The following MYO1F variants were observed in gnomAD, a reference collection of about 807,000 sequenced individuals.
The protein encoded by MYO1F is unconventional myosin-If.
MYO1F carries 60 observed loss-of-function variants against 146.6 expected under a neutral mutation model. The observed-to-expected ratio is 0.41, with a 90% CI of 0.33 to 0.51. The LOEUF (loss-of-function observed/expected upper bound fraction) is 0.51. Ranked by LOEUF, MYO1F falls within the 20% of genes least tolerant of loss-of-function variation. MYO1F has a pLI of 0.25. For synonymous variants in MYO1F, 602 were observed against 602.1 expected, an observed-to-expected ratio of 1.00 and a Z score of 0.00; for missense variants, 1,274 against 1,534.3, an observed-to-expected ratio of 0.83 and a Z score of 2.83.
In MYO1F at chr19:8,521,056, C is replaced by T. The variant is rs1972047724; in HGVS notation, c.*472G>A. 1 of 273,190 alleles carries T rather than the reference C, an allele frequency of 3.7e-6. No individual in the cohort carries two copies. The highest frequency in any genetic ancestry group is 2.2e-5 in the African/African-American group (1 of 45,468). 16.9% of individuals were successfully genotyped at this position (273,190 alleles called of 1,614,324 possible). On this transcript the variant is annotated 3_prime_UTR_variant, in exon 28 of 28. Transcript: ENST00000644032. ...AGATGGGGTCCTTCACAGCTCCTAC[C>T]TCACAGGGCTGTGAAAACATCGTCC...
intron 14 of MYO1F, chr19:8,544,030 C>CGGTGGCGGTGGCGGTGCT: frequency 3.4e-6 from 1 of 290,032 alleles, no homozygotes; most frequent in Non-Finnish European, 5.9e-6. Flanking sequence ...GTGGCGGTGG[C>CGGTGGCGGTGGCGGTGCT]GGTGGCGGTG....
intron 1 of MYO1F, among the ~76,000 whole-genome samples, chr19:8,566,093 G>A (rs928583091): frequency 1.4e-5 from 2 of 147,090 alleles, no homozygotes; most frequent in South Asian, 2.2e-4. Flanking sequence ...GATGACAGAC[G>A]AAGACCCAGA....
At chr19:8,567,102 C>T (rs1247117398) in intron 1 of MYO1F, among the ~76,000 whole-genome samples, 3 of 148,736 alleles carry the variant, frequency 2.0e-5, no homozygotes, top group East Asian at 3.9e-4. Context: ...TGCTCTGTCG[C>T]CCAGGCTGGA....
chr19:8,553,896 T>A (rs2967769), intron 4 of MYO1F, among the ~76,000 whole-genome samples: 2,032 of 89,690 alleles, frequency 0.023, 17 homozygotes, highest in African/African-American at 0.064. Flanking sequence ...ACACACACAC[T>A]CTCTCTCTCT....
chr19:8,575,750 G>A (rs1555733686), intron 1 of MYO1F, among the ~76,000 whole-genome samples: 2 of 152,116 alleles, frequency 1.3e-5, no homozygotes, highest in South Asian at 2.1e-4. Context: ...TCTGCGATAC[G>A]GGTGGCCCCT....
intron 1 of MYO1F, among the ~76,000 whole-genome samples, chr19:8,574,636 T>TC (rs1337757571): frequency 3.8e-5 from 2 of 52,546 alleles, no homozygotes; most frequent in Non-Finnish European, 8.4e-5. Context: ...TTTCTTTCTT[T>TC]CTTTCTTTCC....
At chr19:8,550,133 C>G (rs765359209) in intron 10 of MYO1F, 27 bp downstream of exon 10, 15 of 1,611,658 alleles carry the variant, frequency 9.3e-6, no homozygotes, top group Non-Finnish European at 1.3e-5. Flanking sequence ...AGCATCCACT[C>G]TGCCTTCCAG....
intron 1 of MYO1F, among the ~76,000 whole-genome samples, chr19:8,573,083 C>A (rs12980251): frequency 0.18 from 27,631 of 151,948 alleles, 2,722 homozygotes; most frequent in Middle Eastern, 0.23. Flanking sequence ...CTGAGGCGGG[C>A]AGATCACGAG....
intron 13 of MYO1F, 54 bp from the exon 14 acceptor site, chr19:8,544,518 C>A (rs1198045433): frequency 6.4e-7 from 1 of 1,569,328 alleles, no homozygotes; most frequent in Non-Finnish European, 8.6e-7. Flanking sequence ...CTTGCCTCCC[C>A]ACAGCTCGTC....
At chr19:8,575,493 G>A (rs572499995) in intron 1 of MYO1F, among the ~76,000 whole-genome samples, 1 of 152,008 alleles carries the variant, frequency 6.6e-6, no homozygotes. Context: ...AGGAGGTGGA[G>A]CTCGGGCTTG....
intron 1 of MYO1F, among the ~76,000 whole-genome samples, chr19:8,565,663 A>G (rs2041989092): frequency 6.6e-6 from 1 of 152,122 alleles, no homozygotes; most frequent in Admixed American, 6.6e-5. Flanking sequence ...TTTTCTAAAC[A>G]GGTATTTGGG....
At chr19:8,537,158 G>A in intron 16 of MYO1F, 103 bp from the exon 17 acceptor site, 2 of 788,230 alleles carry the variant, frequency 2.5e-6, no homozygotes. Flanking sequence ...AGAGACTGGG[G>A]GTGGGTGAGG....
At chr19:8,544,540 T>G in intron 13 of MYO1F, 76 bp from the exon 14 acceptor site, 1 of 1,473,046 alleles carries the variant, frequency 6.8e-7, no homozygotes, top group Non-Finnish European at 9.2e-7. Context: ...GTGCAGAGAT[T>G]AGGGGAGGGA....
intron 24 of MYO1F, among the ~76,000 whole-genome samples, chr19:8,526,136 G>T (rs1240554337): frequency 6.6e-6 from 1 of 152,196 alleles, no homozygotes; most frequent in Non-Finnish European, 1.5e-5. Context: ...AGACCAGCCT[G>T]GCCAAGATGG....
chr19:8,526,348 A>ATTTT (rs1437551848), intron 24 of MYO1F, 105 bp downstream of exon 24: 16 of 1,387,876 alleles, frequency 1.2e-5, no homozygotes, highest in Non-Finnish European at 1.6e-5. Context: ...AAAACTCAAA[A>ATTTT]GTCTCTCTCT....
At chr19:8,573,319 A>T (rs1555732447) in intron 1 of MYO1F, among the ~76,000 whole-genome samples, 2 of 151,812 alleles carry the variant, frequency 1.3e-5, no homozygotes, top group South Asian at 4.2e-4. Flanking sequence ...TCAAAAAAAA[A>T]AGAAGAGACA....
At chr19:8,550,450 A>C (rs1178450941) in intron 9 of MYO1F, 94 bp from the exon 10 acceptor site, 1 of 1,596,792 alleles carries the variant, frequency 6.3e-7, no homozygotes, top group East Asian at 2.3e-5. Flanking sequence ...TTGCCCAGTG[A>C]CACCCACATT....
chr19:8,539,682 A>G (rs1404781984), intron 16 of MYO1F, among the ~76,000 whole-genome samples: 2 of 152,228 alleles, frequency 1.3e-5, no homozygotes, highest in Admixed American at 1.3e-4. Context: ...GTAAATGACT[A>G]AAGACCAAAC....
intron 14 of MYO1F, chr19:8,544,004 G>GGTGGT (rs1973211095): frequency 2.5e-6 from 1 of 401,596 alleles, no homozygotes; most frequent in Non-Finnish European, 4.6e-6. Flanking sequence ...TGCTGGTGGT[G>GGTGGT]GCGGTGGCGG....
Sources: allele counts gnomAD v4.1 joint callset (sites outside exome capture counted in the v4.1 genomes callset), GRCh38; gene constraint gnomAD v4.1.1; transcripts MANE v1.5; gene names NCBI Gene and HGNC (gene_info 2026-07-23, HGNC 2026-07-21).